CDH4: variants seen among roughly 807,000 people sequenced by gnomAD.
CDH4 encodes the protein cadherin 4, also known as cadherin-4.
A neutral mutation model predicts 86.0 loss-of-function variants in CDH4; 33 were observed. The observed-to-expected ratio is 0.38, with a 90% CI of 0.29 to 0.51. The LOEUF is 0.51. Ranked by LOEUF, CDH4 falls within the 20% of genes least tolerant of loss-of-function variation. The pLI is 0.86. For synonymous variants in CDH4, 555 were observed against 549.4 expected, an observed-to-expected ratio of 1.01 and a Z score of -0.14; for missense variants, 1,114 against 1,307.4, an observed-to-expected ratio of 0.85 and a Z score of 2.28.
chr20:61,889,636 T>TC (rs1984713901), intron 7 of CDH4, among the ~76,000 whole-genome samples: 1 of 133,740 alleles, frequency 7.5e-6, no homozygotes, highest in Non-Finnish European at 1.6e-5. Context: ...GATGGATGGA[T>TC]AGGTGGATGA....
At chr20:61,654,350 G>T (rs2087163983) in intron 2 of CDH4, among the ~76,000 whole-genome samples, 1 of 152,222 alleles carries the variant, frequency 6.6e-6, no homozygotes, top group Non-Finnish European at 1.5e-5. Flanking sequence ...AGGCAGGGAG[G>T]TTGCAGTGAG....
At chr20:61,695,190 T>G (rs1171577647) in intron 2 of CDH4, among the ~76,000 whole-genome samples, 2 of 152,258 alleles carry the variant, frequency 1.3e-5, no homozygotes, top group Non-Finnish European at 2.9e-5. Flanking sequence ...TAGCAACTTA[T>G]GCAGTAGGCA....
rs1459666435 is a variant in CDH4 at position 61,480,265 on chromosome 20, C to A, written c.169+225328C>A. 6.6e-6 allele frequency among the ~76,000 whole-genome samples: 1 copy of A among 152,156 alleles called. No individual in the cohort carries two copies. The highest frequency in any genetic ancestry group is 2.4e-5 in the African/African-American group (1 of 41,446). ...TCCCCCTCTCGTGGTAGCCTGGAAA[C>A]TCCCCAAGCGGAAGCCGGGGCAGCT... On this transcript the variant is annotated intron_variant, in intron 2 of 15. Coordinates refer to ENST00000614565, the MANE Select transcript of CDH4 (RefSeq NM_001794.5). This position sits in a 1 kb window ranked among gnomAD's most constrained non-coding sequence, Gnocchi z 5.2.
intron 2 of CDH4, among the ~76,000 whole-genome samples, chr20:61,499,857 A>T (rs1004696497): frequency 2.6e-5 from 4 of 152,182 alleles, no homozygotes; most frequent in African/African-American, 9.7e-5. Context: ...AGCCTGTACC[A>T]TGGAACCTTG....
chr20:61,327,194 A>C (rs927774684), intron 2 of CDH4, among the ~76,000 whole-genome samples: 1 of 152,390 alleles, frequency 6.6e-6, no homozygotes, highest in East Asian at 1.9e-4. Context: ...AAGCCATAAA[A>C]GAAAAGGCAG....
At chr20:61,341,070 C>T (rs540255313) in intron 2 of CDH4, among the ~76,000 whole-genome samples, 2 of 152,328 alleles carry the variant, frequency 1.3e-5, no homozygotes, top group Admixed American at 1.3e-4. Context: ...TCACCTCCTT[C>T]CCTGGAGAGA....
chr20:61,668,040 G>T lies in CDH4; in HGVS notation c.170-75523G>T, dbSNP rs148097029. 7.9e-5 allele frequency among the ~76,000 whole-genome samples: 12 copies of T among 152,348 alleles called. No homozygotes were observed. In the East Asian group the frequency reaches 1.7e-3, roughly 22 times the overall value. On this transcript the variant is annotated intron_variant, in intron 2 of 15. Transcript: ENST00000614565. Reference sequence around the variant, plus strand: ...CCAAGGCTTCTAAGACCAGAGAGATGCTAAGTGCTTCTATATTGAAAAGAG... The same window carrying T: ...CCAAGGCTTCTAAGACCAGAGAGATTCTAAGTGCTTCTATATTGAAAAGAG...
At position 61,939,782 on chromosome 20, in the gene CDH4, G is replaced by A. The variant is rs1400848967; in HGVS notation, c.*2839G>A. ...ACCTGTGCTGCAGGTTGGAGTGGCA[G>A]GAACGACTGGCCTTGGTCAGCAGGC... On this transcript the variant is annotated 3_prime_UTR_variant, in exon 16 of 16. Coordinates refer to ENST00000614565, the MANE Select transcript of CDH4 (RefSeq NM_001794.5). The A allele has an allele frequency of 4.6e-5, 7 of 152,286 alleles. No homozygotes were observed. The East Asian group carries it at 1.3e-3, about 29-fold the overall frequency. 9.4% of individuals were successfully genotyped at this position (152,286 alleles called of 1,614,324 possible). A position where few individuals can be genotyped will look rare whatever the true frequency, so the allele number is the denominator to read the frequency against.
chr20:61,496,078 C>CA (rs1394448797), intron 2 of CDH4, among the ~76,000 whole-genome samples: 2 of 151,872 alleles, frequency 1.3e-5, no homozygotes, highest in Admixed American at 1.3e-4. Context: ...GGGAATTGAA[C>CA]AACGGACATC....
chr20:61,704,161 A>C (rs1398168888), intron 2 of CDH4, among the ~76,000 whole-genome samples: 5 of 151,986 alleles, frequency 3.3e-5, no homozygotes, highest in Non-Finnish European at 7.4e-5. Flanking sequence ...CCAGCACCTG[A>C]AGTTGCAGTG....
At chr20:61,508,945 T>C (rs2085760508) in intron 2 of CDH4, among the ~76,000 whole-genome samples, 1 of 152,124 alleles carries the variant, frequency 6.6e-6, no homozygotes, top group Non-Finnish European at 1.5e-5. Flanking sequence ...GCTGCTGTGT[T>C]AACATCCTCA....
At chr20:61,745,897 A>C (rs180745862) in intron 3 of CDH4, among the ~76,000 whole-genome samples, 8 of 152,354 alleles carry the variant, frequency 5.3e-5, no homozygotes, top group Admixed American at 2.6e-4. Flanking sequence ...ATGTTAATGA[A>C]GCGATTTCAG....
intron 2 of CDH4, among the ~76,000 whole-genome samples, chr20:61,296,178 A>G (rs768318199): frequency 6.6e-6 from 1 of 151,450 alleles, no homozygotes; most frequent in Non-Finnish European, 1.5e-5. Context: ...CGAAATAAGT[A>G]TGAGTGTGTG....
At chr20:61,742,423 T>C (rs2088353370) in intron 2 of CDH4, among the ~76,000 whole-genome samples, 1 of 152,252 alleles carries the variant, frequency 6.6e-6, no homozygotes, top group Non-Finnish European at 1.5e-5. Context: ...TTATTTATTC[T>C]TTCAAGGCAG....
intron 2 of CDH4, among the ~76,000 whole-genome samples, chr20:61,494,049 G>A (rs1019832762): frequency 4.6e-5 from 7 of 152,194 alleles, no homozygotes; most frequent in African/African-American, 1.7e-4. Context: ...GCAGGCTGGG[G>A]AGAAAATGGC....
chr20:61,737,145 AG>A (rs1164523507), intron 2 of CDH4, among the ~76,000 whole-genome samples: 3 of 152,156 alleles, frequency 2.0e-5, no homozygotes, highest in Non-Finnish European at 4.4e-5. Flanking sequence ...CTGGGGGCTG[AG>A]CCCTGCCTGG....
chr20:61,853,494 G>A (rs550749813), intron 6 of CDH4, among the ~76,000 whole-genome samples: 24 of 152,102 alleles, frequency 1.6e-4, no homozygotes, highest in Non-Finnish European at 2.9e-4. Flanking sequence ...CCTGTCCCCC[G>A]AGACTTCACT....
At chr20:61,771,010 C>CTTTTTTTTT (rs756131628) in intron 3 of CDH4, among the ~76,000 whole-genome samples, 32 of 130,362 alleles carry the variant, frequency 2.5e-4, no homozygotes, top group South Asian at 5.2e-4. Flanking sequence ...TTCTTTTTTT[C>CTTTTTTTTT]TTTTTTTTTT....
chr20:61,833,917 G>A (rs1324865225), intron 4 of CDH4, among the ~76,000 whole-genome samples: 1 of 152,210 alleles, frequency 6.6e-6, no homozygotes, highest in African/African-American at 2.4e-5. Flanking sequence ...TTCGTCTATG[G>A]GAGCACTGCC....
Sources: gnomAD v4.1 joint callset for allele counts (sites outside exome capture counted in the v4.1 genomes callset) on GRCh38, gnomAD v4.1.1 for gene constraint, Gnocchi (gnomAD v3.1) non-coding constraint, MANE v1.5 for transcripts, NCBI Gene and HGNC (gene_info 2026-07-23, HGNC 2026-07-21) for gene names.